Variants in KHDRBS2 observed in about 807,000 individuals in gnomAD.
KHDRBS2 encodes KH domain-containing, RNA-binding, signal transduction-associated protein 2.
Under a neutral mutation model 44.3 loss-of-function variants are expected in KHDRBS2, and 26 were observed. That is an observed-to-expected ratio of 0.59 (90% CI 0.43 to 0.81). The LOEUF is 0.81. Among genes scored for constraint, KHDRBS2 ranks in the 40% least tolerant of loss-of-function variants. The pLI is 0.00. For synonymous variants in KHDRBS2, 194 were observed against 151.1 expected (o/e 1.28, Z -2.08); for missense variants, 476 against 433.1 (o/e 1.10, Z -0.88).
At chr6:62,003,324 T>C (rs542162474) in intron 3 of KHDRBS2, among the ~76,000 whole-genome samples, 1 of 152,010 alleles carries the variant, frequency 6.6e-6, no homozygotes, top group South Asian at 2.1e-4. Context: ...AAAATAACAT[T>C]TGTACCCACA....
At chr6:61,852,807 G>T (rs1287536878) in intron 6 of KHDRBS2, among the ~76,000 whole-genome samples, 3 of 151,974 alleles carry the variant, frequency 2.0e-5, no homozygotes, top group Non-Finnish European at 4.4e-5. Flanking sequence ...TAAAAATTGA[G>T]TGTGTGTGTG....
At chr6:61,785,907 A>C (rs1167875591) in intron 6 of KHDRBS2, among the ~76,000 whole-genome samples, 1 of 152,044 alleles carries the variant, frequency 6.6e-6, no homozygotes, top group East Asian at 1.9e-4. Context: ...AATTGTATTC[A>C]GTTTAACTTA....
chr6:61,722,955 G>C (rs1283556784), intron 7 of KHDRBS2, among the ~76,000 whole-genome samples: 2 of 151,912 alleles, frequency 1.3e-5, no homozygotes, highest in African/African-American at 4.8e-5. Flanking sequence ...GTGATCTGCT[G>C]GCCTTGGCCT....
chr6:61,558,391 G>C, the KHDRBS2 span, among the ~76,000 whole-genome samples: 9 of 151,762 alleles, frequency 5.9e-5, no homozygotes, highest in African/African-American at 2.2e-4. Context: ...GCAAAACCCT[G>C]TCTCTAAAAA....
downstream of KHDRBS2, among the ~76,000 whole-genome samples, chr6:61,675,106 C>T (rs1278828261): frequency 6.6e-6 from 1 of 151,602 alleles, no homozygotes; most frequent in Non-Finnish European, 1.5e-5. Flanking sequence ...CCACAGTCAC[C>T]CTACTGATCT....
At chr6:61,980,607 CA>C (rs1773640397) in intron 3 of KHDRBS2, among the ~76,000 whole-genome samples, 1 of 152,088 alleles carries the variant, frequency 6.6e-6, no homozygotes, top group South Asian at 2.1e-4. Context: ...ATTTATCAAA[CA>C]AGATGGGCCT....
intron 2 of KHDRBS2, among the ~76,000 whole-genome samples, chr6:62,152,966 C>T (rs1189785353): frequency 5.3e-5 from 8 of 152,178 alleles, no homozygotes; most frequent in Admixed American, 3.3e-4. Flanking sequence ...ATCCCGGATC[C>T]ACCTGATAGC....
At chr6:61,667,958 CAAAT>C in the KHDRBS2 span, among the ~76,000 whole-genome samples, 1 of 151,082 alleles carries the variant, frequency 6.6e-6, no homozygotes, top group African/African-American at 2.4e-5. Context: ...TCTGAGGAAT[CAAAT>C]AAACTCATCA....
In KHDRBS2 at chr6:62,147,964, T is replaced by C. The variant is rs187532971; in HGVS notation, c.219+29221A>G. ...CTAGGAATAAATAAACATAGATACA[T>C]TCCACAGGATGTAGAAAAAATGTTA... On this transcript the variant is annotated intron_variant, in intron 2 of 8. Transcript: ENST00000281156. 1.3e-5 allele frequency among the ~76,000 whole-genome samples: 2 copies of C among 152,130 alleles called. 1 individual carries two copies. Among genetic ancestry groups the C allele is most frequent in the East Asian group, 3.9e-4 (2 of 5,184 alleles).
chr6:61,825,695 G>T (rs1790742144), intron 6 of KHDRBS2, among the ~76,000 whole-genome samples: 1 of 152,072 alleles, frequency 6.6e-6, no homozygotes, highest in African/African-American at 2.4e-5. Flanking sequence ...CATTATAATG[G>T]CTAGGAACAC....
chr6:62,243,237 T>C (rs1481559965), intron 1 of KHDRBS2, among the ~76,000 whole-genome samples: 1 of 152,126 alleles, frequency 6.6e-6, no homozygotes, highest in Non-Finnish European at 1.5e-5. Context: ...TATGGGAATA[T>C]TTGTTGTGAA....
At chr6:62,217,833 G>A (rs1830273993) in intron 1 of KHDRBS2, among the ~76,000 whole-genome samples, 4 of 151,866 alleles carry the variant, frequency 2.6e-5, no homozygotes, top group African/African-American at 9.7e-5. Context: ...GTTTATATAA[G>A]TGAAGTTTTT....
the KHDRBS2 span, among the ~76,000 whole-genome samples, chr6:61,635,339 G>A: frequency 2.0e-5 from 3 of 151,980 alleles, no homozygotes; most frequent in Admixed American, 1.3e-4. Flanking sequence ...TAAAAGGGAA[G>A]TGATGACTGG....
chr6:62,062,887 C>A (rs1257525959), intron 2 of KHDRBS2, among the ~76,000 whole-genome samples: 1 of 147,090 alleles, frequency 6.8e-6, no homozygotes, highest in Non-Finnish European at 1.5e-5. Flanking sequence ...GCTAGCAAGA[C>A]TAATAAAGAA....
At chr6:62,264,384 T>G (rs1448351884) in intron 1 of KHDRBS2, among the ~76,000 whole-genome samples, 1 of 151,836 alleles carries the variant, frequency 6.6e-6, no homozygotes, top group Non-Finnish European at 1.5e-5. Context: ...AAAATGAATA[T>G]ATCCATAATC....
intron 6 of KHDRBS2, among the ~76,000 whole-genome samples, chr6:61,788,188 TAGTC>T (rs1365013595): frequency 2.6e-5 from 4 of 151,560 alleles, no homozygotes; most frequent in Non-Finnish European, 5.9e-5. Flanking sequence ...AAGAAAACCT[TAGTC>T]AGCTACTTTC....
intron 4 of KHDRBS2, among the ~76,000 whole-genome samples, chr6:61,948,299 ATTTT>A (rs1764013479): frequency 6.6e-6 from 1 of 152,030 alleles, no homozygotes; most frequent in African/African-American, 2.4e-5. Flanking sequence ...TTTGTTCATT[ATTTT>A]ATCTGTGTGA....
the KHDRBS2 span, among the ~76,000 whole-genome samples, chr6:61,587,277 C>G: frequency 2.4e-4 from 37 of 152,142 alleles, no homozygotes; most frequent in Non-Finnish European, 4.3e-4. Flanking sequence ...TGTGTTGTAA[C>G]TGAAATCTCA....
intron 4 of KHDRBS2, among the ~76,000 whole-genome samples, chr6:61,912,646 C>A (rs1454202493): frequency 5.9e-5 from 9 of 152,116 alleles, no homozygotes; most frequent in South Asian, 2.1e-4. Context: ...TCTCTCTGCT[C>A]TCAGGCTTTC....
Sources: allele counts gnomAD v4.1 joint callset (sites outside exome capture counted in the v4.1 genomes callset), GRCh38; gene constraint gnomAD v4.1.1; transcripts MANE v1.5; gene names NCBI Gene and HGNC (gene_info 2026-07-23, HGNC 2026-07-21).